Variants in LPP observed in about 807,000 individuals in gnomAD.
LPP encodes the protein LIM domain containing preferred translocation partner in lipoma, also known as lipoma-preferred partner.
Under a neutral mutation model 60.4 loss-of-function variants are expected in LPP, and 38 were observed. That is an observed-to-expected ratio of 0.63 (90% CI 0.49 to 0.83). LPP has a LOEUF of 0.83. Ranked by LOEUF, LPP falls within the 40% of genes least tolerant of loss-of-function variation. The probability of loss-of-function intolerance (pLI) is 0.00; values close to 1 mark genes in which losing one functional copy is unlikely to be tolerated. For synonymous variants in LPP, 328 were observed against 290.8 expected (o/e 1.13, Z -1.30); for missense variants, 902 against 783.6 (o/e 1.15, Z -1.80).
chr3:188,445,050 T>C (rs1794896133), intron 4 of LPP, among the ~76,000 whole-genome samples: 1 of 152,206 alleles, frequency 6.6e-6, no homozygotes, highest in African/African-American at 2.4e-5. Flanking sequence ...GAGTGTAAAT[T>C]AGTTCAACCA....
intron 9 of LPP, among the ~76,000 whole-genome samples, chr3:188,806,482 TTTCATTTTA>T (rs1216624362): frequency 6.6e-6 from 1 of 151,920 alleles, no homozygotes; most frequent in Non-Finnish European, 1.5e-5. Context: ...CAGATACGTC[TTTCATTTTA>T]TCCAATTTGA....
intron 8 of LPP, among the ~76,000 whole-genome samples, chr3:188,756,427 C>T (rs1222880868): frequency 6.6e-6 from 1 of 152,084 alleles, no homozygotes; most frequent in African/African-American, 2.4e-5. Context: ...TGCTCTGATG[C>T]CTTGAAGTTT....
intron 3 of LPP, among the ~76,000 whole-genome samples, chr3:188,381,627 T>A (rs191727110): frequency 1.3e-3 from 204 of 152,290 alleles, no homozygotes; most frequent in African/African-American, 4.7e-3. Context: ...TGTCATTCAT[T>A]GAAATATGAA....
chr3:188,266,181 G>A (rs997537918), intron 2 of LPP, among the ~76,000 whole-genome samples: 1 of 151,530 alleles, frequency 6.6e-6, no homozygotes, highest in African/African-American at 2.4e-5. Flanking sequence ...ACCCTCACCA[G>A]CAGCAGCAGC....
At chr3:188,662,689 A>C (rs1035579912) in intron 7 of LPP, among the ~76,000 whole-genome samples, 1 of 152,230 alleles carries the variant, frequency 6.6e-6, no homozygotes. Context: ...TTTCTTCTCC[A>C]TCCCCTTGCA....
chr3:188,635,355 G>A (rs887521659), intron 7 of LPP, among the ~76,000 whole-genome samples: 1 of 152,136 alleles, frequency 6.6e-6, no homozygotes, highest in African/African-American at 2.4e-5. Flanking sequence ...ATGTTTCTAA[G>A]TTCCTTTCCT....
At position 188,886,360 on chromosome 3, in the gene LPP, G is replaced by C. The variant is rs1770666775; in HGVS notation, c.*11881G>C. 5.6e-6 allele frequency: 1 copy of C among 178,950 alleles called. No homozygotes were observed. Among genetic ancestry groups the C allele is most frequent in the African/African-American group, 2.4e-5 (1 of 41,382 alleles). 11.1% of individuals were successfully genotyped at this position (178,950 alleles called of 1,614,324 possible). A position where few individuals can be genotyped will look rare whatever the true frequency, so the allele number is the denominator to read the frequency against. ...AGTGCCTCACCTCCCTGTGAGGCTT[G>C]ATGAATATTGTGGCCAGTGAGTGGA... On this transcript the variant is annotated 3_prime_UTR_variant, in exon 12 of 12. Coordinates refer to ENST00000617246, the MANE Select transcript of LPP (RefSeq NM_001375462.1).
intron 2 of LPP, among the ~76,000 whole-genome samples, chr3:188,241,175 A>G (rs1724593669): frequency 6.6e-6 from 1 of 152,322 alleles, no homozygotes; most frequent in Non-Finnish European, 1.5e-5. Context: ...TAGGAGCAGA[A>G]GGTGGTGGGT....
chr3:188,782,682 A>G (rs967730810), intron 9 of LPP, among the ~76,000 whole-genome samples: 2 of 151,574 alleles, frequency 1.3e-5, no homozygotes, highest in Non-Finnish European at 2.9e-5. Context: ...CAATATTCTG[A>G]TGCAGATGAA....
chr3:188,386,262 G>GCACACA (rs1491209525), intron 3 of LPP, among the ~76,000 whole-genome samples: 1,605 of 69,408 alleles, frequency 0.023, 30 homozygotes, highest in African/African-American at 0.069. Context: ...CATAGCATGC[G>GCACACA]CGCACACACA....
intron 9 of LPP, among the ~76,000 whole-genome samples, chr3:188,791,306 GA>G (rs1334801238): frequency 6.6e-6 from 1 of 152,156 alleles, no homozygotes; most frequent in East Asian, 1.9e-4. Flanking sequence ...AAGGAAAAGT[GA>G]ATGGTCTTTG....
intron 2 of LPP, among the ~76,000 whole-genome samples, chr3:188,301,033 A>G (rs1025960782): frequency 4.6e-5 from 7 of 151,846 alleles, no homozygotes; most frequent in African/African-American, 1.7e-4. Context: ...TATCTTCTAC[A>G]TTTGCCCTAG....
chr3:188,470,491 G>T (rs1801587222), intron 4 of LPP, among the ~76,000 whole-genome samples: 1 of 152,110 alleles, frequency 6.6e-6, no homozygotes, highest in African/African-American at 2.4e-5. Context: ...TCAACTCTGT[G>T]AGGCATTGGA....
At chr3:188,495,875 A>G (rs2149807118) in intron 5 of LPP, among the ~76,000 whole-genome samples, 1 of 152,286 alleles carries the variant, frequency 6.6e-6, no homozygotes, top group East Asian at 1.9e-4. Context: ...GCACTAACTC[A>G]TATTTTATCT....
chr3:188,696,241 C>CTCTCTCTCTG (rs1466255354), intron 7 of LPP, among the ~76,000 whole-genome samples: 1 of 151,866 alleles, frequency 6.6e-6, no homozygotes, highest in Non-Finnish European at 1.5e-5. Flanking sequence ...CTCTCTCTCT[C>CTCTCTCTCTG]TGTCTCTCTT....
At chr3:188,462,561 T>A (rs1314645001) in intron 4 of LPP, among the ~76,000 whole-genome samples, 2 of 41,640 alleles carry the variant, frequency 4.8e-5, no homozygotes, top group Admixed American at 3.0e-4. Context: ...TATATATATA[T>A]ATATATATAT....
rs1242521551 is a variant in LPP, at chr3:188,609,834, T to C, written c.1103T>C (p.Leu368Ser). ...GTTTCAGCCCCCTGTGCGCCACCAT[T>C]GCAGCCAAAGGTAAGAAACTCAGTA... ...DPVSAPCAPP[L>S]QPKGGHSGQL... Residue 368 changes from leucine (L) to serine (S), a missense_variant, in exon 7 of 12, where the codon TTG becomes TCG. Leu to Ser is a moderately radical substitution (Grantham distance 145). Transcript: ENST00000617246. This position sits in a 1 kb window ranked among gnomAD's most constrained non-coding sequence, Gnocchi z 6.9. 1.7e-5 allele frequency: 27 copies of C among 1,610,042 alleles called. No individual in the cohort carries two copies. The highest frequency in any genetic ancestry group is 2.2e-5 in the Non-Finnish European group (26 of 1,178,452).
Position 188,407,582 on chromosome 3 carries a change from T to A in LPP, c.193+1269T>A, listed in dbSNP as rs73050771. ...GCCTTTGGTGCTGTACTAATCTCTGTAGCACTCCATGATGTTTTATTGCCT... is the reference window on the plus strand; with the variant it reads ...GCCTTTGGTGCTGTACTAATCTCTGAAGCACTCCATGATGTTTTATTGCCT... On this transcript the variant is annotated intron_variant, in intron 4 of 11. Coordinates refer to ENST00000617246, the MANE Select transcript of LPP (RefSeq NM_001375462.1). Among the ~76,000 whole-genome samples the A allele has an allele frequency of 2.2e-3, 329 of 152,258 alleles. 2 individuals carry two copies. The highest frequency in any genetic ancestry group is 7.6e-3 in the African/African-American group (315 of 41,540).
chr3:188,360,922 A>G (rs1342042595), intron 3 of LPP, among the ~76,000 whole-genome samples: 1 of 152,202 alleles, frequency 6.6e-6, no homozygotes, highest in Non-Finnish European at 1.5e-5. Context: ...AAAAGGTCAA[A>G]TGAGATAGCG....
Sources: gnomAD v4.1 joint callset for allele counts (sites outside exome capture counted in the v4.1 genomes callset) on GRCh38, gnomAD v4.1.1 for gene constraint, Gnocchi (gnomAD v3.1) non-coding constraint, MANE v1.5 for transcripts, NCBI Gene and HGNC (gene_info 2026-07-23, HGNC 2026-07-21) for gene names.